TEX29: variants seen among roughly 807,000 people sequenced by gnomAD.
TEX29 encodes the protein testis-expressed protein 29.
TEX29 carries 26 observed loss-of-function variants against 18.2 expected under a neutral mutation model. The observed-to-expected ratio is 1.43, with a 90% CI of 1.04 to 1.98. The LOEUF (loss-of-function observed/expected upper bound fraction) is 1.98. Among genes scored for constraint, TEX29 ranks in the 30% most tolerant of loss-of-function variants. The probability of loss-of-function intolerance (pLI) is 0.00; values close to 1 mark genes in which losing one functional copy is unlikely to be tolerated. For synonymous variants in TEX29, 83 were observed against 78.5 expected (o/e 1.06, Z -0.31); for missense variants, 177 against 194.2 (o/e 0.91, Z 0.53).
intron 3 of TEX29, among the ~76,000 whole-genome samples, chr13:111,335,646 CA>C (rs551051681): frequency 6.6e-6 from 1 of 152,324 alleles, no homozygotes; most frequent in East Asian, 1.9e-4. Flanking sequence ...GCACTTATAC[CA>C]CTTAGTTTTT....
intron 2 of TEX29, among the ~76,000 whole-genome samples, chr13:111,325,365 A>G (rs909290135): frequency 4.6e-5 from 7 of 152,122 alleles, no homozygotes; most frequent in African/African-American, 1.2e-4. Flanking sequence ...TGGAGGGCCT[A>G]CTGGAGATAC....
At position 111,320,870 on chromosome 13, in the gene TEX29, C is replaced by G. The variant is rs370498725; in HGVS notation, c.-21C>G. 1 of 1,612,992 alleles carries G rather than the reference C, an allele frequency of 6.2e-7. No homozygotes were observed. The highest frequency in any genetic ancestry group is 8.5e-7 in the Non-Finnish European group (1 of 1,179,630). On this transcript the variant is annotated 5_prime_UTR_variant, in exon 2 of 6. Transcript: ENST00000283547. ...CCTGTTTTCCAGGTGTGCTCGGCCCCTTCATCTGTCAGCTGCAGCAATGGA... is the reference window on the plus strand; with the variant it reads ...CCTGTTTTCCAGGTGTGCTCGGCCCGTTCATCTGTCAGCTGCAGCAATGGA...
chr13:111,343,845 G>A (rs777055112), intron 5 of TEX29, among the ~76,000 whole-genome samples: 4 of 152,174 alleles, frequency 2.6e-5, no homozygotes, highest in African/African-American at 9.7e-5. Context: ...CAGGACAGAT[G>A]TTTGCCTGGT....
At chr13:111,327,956 C>A in intron 2 of TEX29, among the ~76,000 whole-genome samples, 1 of 152,224 alleles carries the variant, frequency 6.6e-6, no homozygotes, top group East Asian at 1.9e-4. Flanking sequence ...TCGTTAGAGG[C>A]CCCTGCATTA....
At chr13:111,343,479 C>T (rs2093700092) in intron 5 of TEX29, among the ~76,000 whole-genome samples, 1 of 152,144 alleles carries the variant, frequency 6.6e-6, no homozygotes, top group African/African-American at 2.4e-5. Flanking sequence ...ACGTGGTGGT[C>T]GTGGTTGGAG....
At chr13:111,322,446 G>A (rs535871990) in intron 2 of TEX29, among the ~76,000 whole-genome samples, 8 of 152,360 alleles carry the variant, frequency 5.3e-5, no homozygotes, top group South Asian at 2.1e-4. Flanking sequence ...AGGGCTGTAA[G>A]CAGTGCAGCT....
At chr13:111,325,422 G>C (rs1193648664) in intron 2 of TEX29, among the ~76,000 whole-genome samples, 1 of 152,086 alleles carries the variant, frequency 6.6e-6, no homozygotes, top group Non-Finnish European at 1.5e-5. Context: ...TGCAGTGGGC[G>C]AGCTGCCAGT....
chr13:111,336,949 T>A (rs1460603804), intron 3 of TEX29, among the ~76,000 whole-genome samples: 2 of 152,204 alleles, frequency 1.3e-5, no homozygotes, highest in Non-Finnish European at 2.9e-5. Flanking sequence ...GACTAATATG[T>A]GTGTCTCTTT....
At chr13:111,316,291 G>T (rs772773916), upstream of TEX29, 1 of 480,424 alleles carries the variant, frequency 2.1e-6, no homozygotes, top group Non-Finnish European at 4.2e-6. Flanking sequence ...AGGAAATTAG[G>T]GATGACATCC....
rs1244074985 is a variant in TEX29, at chr13:111,342,828, G to A, written c.312G>A (p.Lys104=). 15 of 1,614,050 alleles carry A rather than the reference G, an allele frequency of 9.3e-6. No individual in the cohort carries two copies. The highest frequency in any genetic ancestry group is 1.3e-5 in the Non-Finnish European group (15 of 1,180,048). Residue 104 remains lysine (K), a synonymous_variant, in exon 5 of 6, where the codon AAG becomes AAA. Coordinates refer to ENST00000283547, the MANE Select transcript of TEX29 (RefSeq NM_152324.3). Reference sequence around the variant, plus strand: ...CGCTGCCACAGAAGTCCAGCGAAAAGGCGGAGTTGGCCTCATCCAGCAGCA... The same window carrying A: ...CGCTGCCACAGAAGTCCAGCGAAAAAGCGGAGTTGGCCTCATCCAGCAGCA... The part of the protein sequence containing the change: ...DVALPQKSSE[K]AELASSSSKL...
At position 111,342,812 on chromosome 13, in the gene TEX29, A is replaced by G. The variant is rs1215613021; in HGVS notation, c.296A>G (p.Gln99Arg). ...KAIPVDVALP[Q>R]KSSEKAELAS... ...ATCCCTGTGGATGTCGCGCTGCCACAGAAGTCCAGCGAAAAGGCGGAGTTG... is the reference window on the plus strand; with the variant it reads ...ATCCCTGTGGATGTCGCGCTGCCACGGAAGTCCAGCGAAAAGGCGGAGTTG... The change falls in exon 5 of 6, where the codon CAG becomes CGG. Residue 99 changes from glutamine to arginine, a missense_variant. By Grantham distance (43) the Gln-to-Arg change is conservative. Transcript: ENST00000283547. The G allele has an allele frequency of 6.2e-6, 10 of 1,614,152 alleles. No homozygotes were observed. The highest frequency in any genetic ancestry group is 6.8e-6 in the Non-Finnish European group (8 of 1,180,026).
At position 111,342,508 on chromosome 13, in the gene TEX29, C is replaced by T. The variant is rs373227520; in HGVS notation, c.240-248C>T. Among the ~76,000 whole-genome samples, 55 of 128,112 alleles carry T rather than the reference C, an allele frequency of 4.3e-4. No individual in the cohort carries two copies. The South Asian group carries it at 0.011, about 25-fold the overall frequency. 84.0% of individuals were successfully genotyped at this position (128,112 alleles called of 152,430 possible). A position where few individuals can be genotyped will look rare whatever the true frequency, so the allele number is the denominator to read the frequency against. Reference sequence around the variant, plus strand: ...CCGGGAGTTGGAGGCTGCAGTGAGCCGTGTTTGTGCCATTGCACTCCAGCC... The same window carrying T: ...CCGGGAGTTGGAGGCTGCAGTGAGCTGTGTTTGTGCCATTGCACTCCAGCC... On this transcript the variant is annotated intron_variant, in intron 4 of 5. Coordinates refer to ENST00000283547, the MANE Select transcript of TEX29 (RefSeq NM_152324.3).
rs138550829 is a variant in TEX29, at chr13:111,339,876, G to A, written c.183G>A (p.Val61=). The A allele has an allele frequency of 6.7e-4, 1,077 of 1,613,106 alleles. 1 individual carries two copies. Among genetic ancestry groups the A allele is most frequent in the Non-Finnish European group, 8.0e-4 (945 of 1,179,848 alleles). The change falls in exon 4 of 6, where the codon GTG becomes GTA. Residue 61 remains valine, a synonymous_variant. Transcript: ENST00000283547. ...ACCATTTTTCAGTTTACATCCACGT[G>A]TTCTCTGCCTTGATTGTGATCATCG... ...YKKAVPIYIH[V]FSALIVIIAG...
rs1447326963 is a variant in TEX29, at chr13:111,328,173, G to A, written c.59-10G>A. 1 of 1,582,564 alleles carries A rather than the reference G, an allele frequency of 6.3e-7. No individual in the cohort carries two copies. The highest frequency in any genetic ancestry group is 1.3e-5 in the African/African-American group (1 of 74,478). ...GGGGGTGACACTTGTGTATGTCTGT[G>A]CTTTTGCAGTGTGTGACGTTCCTCT... is the stretch of plus-strand genomic sequence containing the variant. On this transcript the variant is annotated splice_polypyrimidine_tract_variant and intron_variant, in intron 2 of 5. Transcript: ENST00000283547.
chr13:111,330,364 T>C (rs764474917), intron 3 of TEX29, among the ~76,000 whole-genome samples: 3 of 152,134 alleles, frequency 2.0e-5, no homozygotes, highest in Non-Finnish European at 4.4e-5. Context: ...GAATTTTCGC[T>C]CCTCAGAGAC....
At chr13:111,339,829 G>C in intron 3 of TEX29, 34 bp from the exon 4 acceptor site, 1 of 1,607,636 alleles carries the variant, frequency 6.2e-7, no homozygotes, top group Non-Finnish European at 8.5e-7. Context: ...TATTTACCTG[G>C]ATCGAAATGA....
intron 5 of TEX29, among the ~76,000 whole-genome samples, chr13:111,343,297 AG>A (rs2093699567): frequency 6.6e-6 from 1 of 151,884 alleles, no homozygotes; most frequent in Non-Finnish European, 1.5e-5. Context: ...GGGAGGCTGC[AG>A]GGCTGCCATG....
upstream of TEX29, among the ~76,000 whole-genome samples, chr13:111,319,786 C>T (rs2093660794): frequency 6.6e-6 from 1 of 152,176 alleles, no homozygotes; most frequent in South Asian, 2.1e-4. Flanking sequence ...CACCATTATG[C>T]AAGGCCCACT....
Position 111,320,837 on chromosome 13 carries a change from T to C in TEX29, c.-34-20T>C, listed in dbSNP as rs746268743. On this transcript the variant is annotated intron_variant, in intron 1 of 5. Transcript: ENST00000283547. ...GACGTCCCCAGGGCCCCGCCCGTGC[T>C]GACCTCTCCTGTTTTCCAGGTGTGC... The C allele has an allele frequency of 2.5e-6, 4 of 1,612,242 alleles. No homozygotes were observed. Among genetic ancestry groups the C allele is most frequent in the African/African-American group, 1.3e-5 (1 of 75,010 alleles).
Sources: gnomAD v4.1 joint callset for allele counts (sites outside exome capture counted in the v4.1 genomes callset) on GRCh38, gnomAD v4.1.1 for gene constraint, MANE v1.5 for transcripts, NCBI Gene and HGNC (gene_info 2026-07-23, HGNC 2026-07-21) for gene names.